DOK5: variants seen among roughly 807,000 people sequenced by gnomAD.
The protein encoded by DOK5 is docking protein 5.
In DOK5, 27 loss-of-function variants were observed where a neutral mutation model predicts 43.3. That is an observed-to-expected ratio of 0.62 (90% CI 0.46 to 0.86). The LOEUF (loss-of-function observed/expected upper bound fraction) is 0.86. DOK5 is among the 40% of genes least tolerant of loss of function. The pLI, the probability that DOK5 is intolerant of heterozygous loss-of-function variation, is 0.00. For missense variants in DOK5, 373 were observed against 392.9 expected (o/e 0.95, Z 0.43); for synonymous variants, 146 against 140.1 (o/e 1.04, Z -0.30).
At chr20:54,523,448 C>G (rs1440563739) in intron 1 of DOK5, among the ~76,000 whole-genome samples, 2 of 152,112 alleles carry the variant, frequency 1.3e-5, no homozygotes, top group East Asian at 3.9e-4. Flanking sequence ...TGCCTGTTAT[C>G]CCAGCTACTC....
intron 1 of DOK5, among the ~76,000 whole-genome samples, chr20:54,520,150 C>A (rs1029250493): frequency 6.6e-6 from 1 of 152,252 alleles, no homozygotes; most frequent in East Asian, 1.9e-4. Flanking sequence ...GCCCCCTAAA[C>A]CCTCCCCGTA....
chr20:54,565,175 C>T (rs1036912591), intron 2 of DOK5, among the ~76,000 whole-genome samples: 3 of 152,154 alleles, frequency 2.0e-5, no homozygotes, highest in African/African-American at 4.8e-5. Flanking sequence ...ACTGTGTATA[C>T]CTCTCAACCC....
intron 2 of DOK5, among the ~76,000 whole-genome samples, chr20:54,586,887 C>T (rs6023383): frequency 0.14 from 20,415 of 151,162 alleles, 2,374 homozygotes; most frequent in African/African-American, 0.31. Context: ...GGTGAGATAG[C>T]GTGGGCAAGA....
chr20:54,618,784 A>G (rs1986893768), intron 6 of DOK5, among the ~76,000 whole-genome samples: 1 of 151,886 alleles, frequency 6.6e-6, no homozygotes, highest in African/African-American at 2.4e-5. Flanking sequence ...TTGAGAGGCC[A>G]AGGCAGGAGG....
At chr20:54,554,547 G>A (rs1984646595) in intron 1 of DOK5, among the ~76,000 whole-genome samples, 1 of 152,316 alleles carries the variant, frequency 6.6e-6, no homozygotes, top group South Asian at 2.1e-4. Flanking sequence ...TGGGCAATGA[G>A]ATCTTCAGCA....
chr20:54,554,326 A>G (rs1268125816), intron 1 of DOK5, among the ~76,000 whole-genome samples: 1 of 152,228 alleles, frequency 6.6e-6, no homozygotes, highest in East Asian at 1.9e-4. Flanking sequence ...AACATGGCCA[A>G]CAACTTCTGT....
chr20:54,482,458 G>A (rs187196098), intron 1 of DOK5, among the ~76,000 whole-genome samples: 6 of 152,254 alleles, frequency 3.9e-5, no homozygotes, highest in Non-Finnish European at 5.9e-5. Context: ...AGTCATAATC[G>A]TAGTATGAAA....
At chr20:54,610,091 A>G (rs971211417) in intron 5 of DOK5, among the ~76,000 whole-genome samples, 1 of 152,238 alleles carries the variant, frequency 6.6e-6, no homozygotes, top group East Asian at 1.9e-4. Context: ...AGGGAAGGTG[A>G]AGTATTTATT....
intron 5 of DOK5, among the ~76,000 whole-genome samples, chr20:54,610,026 A>G (rs1378337669): frequency 6.6e-6 from 1 of 152,250 alleles, no homozygotes; most frequent in Non-Finnish European, 1.5e-5. Flanking sequence ...CACAGACTGT[A>G]CAAAGGAATA....
intron 1 of DOK5, among the ~76,000 whole-genome samples, chr20:54,547,540 G>C (rs937889135): frequency 6.6e-6 from 1 of 152,104 alleles, no homozygotes; most frequent in East Asian, 1.9e-4. Context: ...GAACTTACCA[G>C]AATATTCTTT....
At chr20:54,519,854 A>G (rs893277257) in intron 1 of DOK5, among the ~76,000 whole-genome samples, 4 of 152,218 alleles carry the variant, frequency 2.6e-5, no homozygotes, top group African/African-American at 9.6e-5. Flanking sequence ...AGGAGATGTG[A>G]TGCATTAGAA....
chr20:54,572,242 G>A (rs202068103), intron 2 of DOK5, among the ~76,000 whole-genome samples: 1 of 151,528 alleles, frequency 6.6e-6, no homozygotes, highest in Non-Finnish European at 1.5e-5. Context: ...CTCACTGCAA[G>A]CTCTGCCTCC....
chr20:54,637,587 G>A (rs924659510), intron 6 of DOK5, among the ~76,000 whole-genome samples: 6 of 152,202 alleles, frequency 3.9e-5, no homozygotes, highest in African/African-American at 1.2e-4. Flanking sequence ...TTATTGCCAC[G>A]TTCCCCACAG....
At chr20:54,601,070 C>T (rs1272489507) in intron 5 of DOK5, among the ~76,000 whole-genome samples, 3 of 152,168 alleles carry the variant, frequency 2.0e-5, no homozygotes, top group African/African-American at 4.8e-5. Flanking sequence ...GAAGGATTTA[C>T]TGACAGACTG....
At chr20:54,553,386 G>T (rs571784356) in intron 1 of DOK5, among the ~76,000 whole-genome samples, 107 of 151,984 alleles carry the variant, frequency 7.0e-4, no homozygotes, top group African/African-American at 2.5e-3. Flanking sequence ...TAGTACAGAC[G>T]GGGTTTCACC....
intron 1 of DOK5, among the ~76,000 whole-genome samples, chr20:54,540,215 T>C (rs1984105099): frequency 6.6e-6 from 1 of 152,054 alleles, no homozygotes; most frequent in Non-Finnish European, 1.5e-5. Flanking sequence ...GCATAGATAG[T>C]CTATCACCAT....
chr20:54,639,872 T>C (rs1014552193), intron 6 of DOK5, among the ~76,000 whole-genome samples: 2 of 152,184 alleles, frequency 1.3e-5, no homozygotes, highest in African/African-American at 4.8e-5. Flanking sequence ...TATTACACAT[T>C]GAAATAAATG....
At chr20:54,590,008 G>A (rs776475982) in intron 4 of DOK5, among the ~76,000 whole-genome samples, 15 of 152,174 alleles carry the variant, frequency 9.9e-5, no homozygotes, top group Non-Finnish European at 1.6e-4. Context: ...CAGGCAGAGA[G>A]GATACCTAGG....
chr20:54,607,545 T>C (rs1986510467), intron 5 of DOK5, among the ~76,000 whole-genome samples: 1 of 152,100 alleles, frequency 6.6e-6, no homozygotes, highest in Admixed American at 6.6e-5. Flanking sequence ...TATTTAGAGA[T>C]TTAAATGTCA....
Sources: gnomAD v4.1 joint callset for allele counts (sites outside exome capture counted in the v4.1 genomes callset) on GRCh38, gnomAD v4.1.1 for gene constraint, MANE v1.5 for transcripts, NCBI Gene and HGNC (gene_info 2026-07-23, HGNC 2026-07-21) for gene names.